SNX2: variants seen among roughly 807,000 people sequenced by gnomAD.
SNX2 encodes the protein sorting nexin-2.
A neutral mutation model predicts 69.9 loss-of-function variants in SNX2; 25 were observed. The ratio of observed to expected loss-of-function variants is 0.36; its 90% confidence interval spans 0.26 to 0.50. The LOEUF is 0.50. Among genes scored for constraint, SNX2 ranks in the 20% least tolerant of loss-of-function variants. SNX2 has a pLI of 0.97. For missense variants in SNX2, 551 were observed against 613.3 expected, an observed-to-expected ratio of 0.90 and a Z score of 1.07; for synonymous variants, 229 against 200.4, an observed-to-expected ratio of 1.14 and a Z score of -1.20.
At chr5:122,778,260 T>C (rs1291064175) in intron 1 of SNX2, among the ~76,000 whole-genome samples, 1 of 152,200 alleles carries the variant, frequency 6.6e-6, no homozygotes, top group African/African-American at 2.4e-5. Flanking sequence ...TCTTGTCTAT[T>C]GTGAATAGTG....
chr5:122,793,584 T>G (rs1186947785), intron 1 of SNX2, among the ~76,000 whole-genome samples: 1 of 152,204 alleles, frequency 6.6e-6, no homozygotes, highest in African/African-American at 2.4e-5. Context: ...TACAGTTTTT[T>G]TGTGTTATAC....
intron 8 of SNX2, among the ~76,000 whole-genome samples, 172 bp from the exon 9 acceptor site, chr5:122,816,743 T>G (rs1048714856): frequency 6.7e-6 from 1 of 149,502 alleles, no homozygotes; most frequent in African/African-American, 2.5e-5. Context: ...AAGTAGTATA[T>G]TTGAGAAATT....
rs1455022903 is a variant in SNX2, at chr5:122,832,069, A to T, written c.*2421A>T. On this transcript the variant is annotated 3_prime_UTR_variant, in exon 15 of 15. Transcript: ENST00000379516. ...CCCAAATAAGTAAAACAAGAACATT[A>T]ATAGTGCTAATAATATAATCTTTTC... 6.6e-6 allele frequency among the ~76,000 whole-genome samples: 1 copy of T among 152,220 alleles called. No individual in the cohort carries two copies. The highest frequency in any genetic ancestry group is 2.4e-5 in the African/African-American group (1 of 41,458).
intron 1 of SNX2, among the ~76,000 whole-genome samples, chr5:122,782,691 C>T (rs1343153872): frequency 6.6e-6 from 1 of 151,886 alleles, no homozygotes; most frequent in Non-Finnish European, 1.5e-5. Context: ...TGCCCACCAC[C>T]ATGCCCAGCT....
At position 122,826,050 on chromosome 5, in the gene SNX2, G is replaced by A. The variant is rs200308921; in HGVS notation, c.1213G>A (p.Gly405Ser). The A allele has an allele frequency of 9.3e-6, 15 of 1,612,164 alleles. No individual in the cohort carries two copies. Among genetic ancestry groups the A allele is most frequent in the Admixed American group, 6.7e-5 (4 of 59,962 alleles). The change falls in exon 12 of 15, where the codon GGT becomes AGT. Residue 405 changes from glycine (G) to serine (S), a missense_variant and splice_region_variant. This residue lies in a region of SNX2 where 360 missense variants were observed against 450.4 expected (regional missense o/e 0.80). Coordinates refer to ENST00000379516, the MANE Select transcript of SNX2 (RefSeq NM_003100.4). ...ATAGCATTATGTCATTCACTTATAG[G>A]GTGTGTTTGACCATCGAATGAAGTG... ...DYIRLIAAVKGVFDHRMKCWQ... is the reference protein window; with the variant it reads ...DYIRLIAAVKSVFDHRMKCWQ...
intron 3 of SNX2, among the ~76,000 whole-genome samples, chr5:122,801,216 A>G (rs892868076): frequency 2.0e-5 from 3 of 152,224 alleles, no homozygotes; most frequent in Non-Finnish European, 4.4e-5. Flanking sequence ...TAATTTTTTA[A>G]TAATCTGAAT....
rs187800689 is a variant in SNX2 at position 122,806,047 on chromosome 5, T to C, written c.644-2230T>C. Among the ~76,000 whole-genome samples the C allele has an allele frequency of 9.1e-3, 1,388 of 151,832 alleles. 5 individuals carry two copies. The highest frequency in any genetic ancestry group is 0.015 in the Non-Finnish European group (1,013 of 67,932). On this transcript the variant is annotated intron_variant, in intron 6 of 14. Coordinates refer to ENST00000379516, the MANE Select transcript of SNX2 (RefSeq NM_003100.4). Reference sequence around the variant, plus strand: ...CGCCCGTCTCAGCCTCCCAAAATGCTGGGATTACAGGCGTGAGCCACCGCG... The same window carrying C: ...CGCCCGTCTCAGCCTCCCAAAATGCCGGGATTACAGGCGTGAGCCACCGCG...
chr5:122,803,476 C>A lies in SNX2; in HGVS notation c.506C>A (p.Ser169Tyr). The A allele has an allele frequency of 6.2e-7, 1 of 1,607,124 alleles. No homozygotes were observed. Among genetic ancestry groups the A allele is most frequent in the Non-Finnish European group, 8.5e-7 (1 of 1,178,122 alleles). ...YMAYRVTTKTSLSMFSKSEFS... is the reference protein window; with the variant it reads ...YMAYRVTTKTYLSMFSKSEFS... ...ACACCTCTTCTTCACTTGTAGACAT[C>A]TCTTTCCATGTTCAGTAAGAGTGAA... is the stretch of plus-strand genomic sequence containing the variant. The change falls in exon 6 of 15, where the codon TCT becomes TAT. Residue 169 changes from serine (S) to tyrosine (Y), a missense_variant. Physicochemically the swap from Ser to Tyr is moderately radical, Grantham distance 144. This residue lies in a region of SNX2 where 360 missense variants were observed against 450.4 expected (regional missense o/e 0.80). Transcript: ENST00000379516.
upstream of SNX2, chr5:122,775,019 T>G: frequency 1.5e-6 from 2 of 1,298,864 alleles, no homozygotes; most frequent in African/African-American, 1.6e-5. Context: ...GCGGGGAGGC[T>G]GGCGGGTCGG....
At chr5:122,807,423 G>A (rs894441697) in intron 6 of SNX2, among the ~76,000 whole-genome samples, 1 of 152,030 alleles carries the variant, frequency 6.6e-6, no homozygotes, top group Non-Finnish European at 1.5e-5. Flanking sequence ...CCCAGCCCTA[G>A]GCAGTCACTA....
chr5:122,815,410 A>C (rs1022813673), intron 7 of SNX2, among the ~76,000 whole-genome samples: 1 of 152,206 alleles, frequency 6.6e-6, no homozygotes, highest in Non-Finnish European at 1.5e-5. Flanking sequence ...GATCATTTAA[A>C]TATGCTGACA....
Position 122,813,789 on chromosome 5 carries a change from T to C in SNX2, c.723-2107T>C, listed in dbSNP as rs924595696. Among the ~76,000 whole-genome samples the C allele has an allele frequency of 3.5e-4, 48 of 136,202 alleles. 2 individuals are homozygous for C. Among genetic ancestry groups the C allele is most frequent in the Middle Eastern group, 4.0e-3 (1 of 250 alleles). 89.4% of individuals were successfully genotyped at this position (136,202 alleles called of 152,430 possible). A position where few individuals can be genotyped will look rare whatever the true frequency, so the allele number is the denominator to read the frequency against. On this transcript the variant is annotated intron_variant, in intron 7 of 14. Transcript: ENST00000379516. ...TTCCTTTTTTTTTTTTTTTTTTTTT[T>C]CTGAGACGGAGTCTCGCTCTGTCAC...
intron 7 of SNX2, among the ~76,000 whole-genome samples, chr5:122,812,965 A>C (rs181703819): frequency 2.4e-4 from 37 of 152,360 alleles, no homozygotes; most frequent in Non-Finnish European, 3.8e-4. Context: ...TAAGTAAATA[A>C]GAATTTGAAA....
chr5:122,801,652 C>CGTGTGTGTGTGTGTGT lies in SNX2; in HGVS notation c.391-194_391-179dup, dbSNP rs61189602. Among the ~76,000 whole-genome samples the CGTGTGTGTGTGTGTGT allele has an allele frequency of 9.9e-3, 1,314 of 132,080 alleles. 26 individuals are homozygous for CGTGTGTGTGTGTGTGT. Among genetic ancestry groups the CGTGTGTGTGTGTGTGT allele is most frequent in the African/African-American group, 0.035 (1,171 of 33,612 alleles). 86.6% of individuals were successfully genotyped at this position (132,080 alleles called of 152,430 possible). ...TGTTACTTCTCCAAATGGTCTTTTT[C>CGTGTGTGTGTGTGTGT]GTGTGTGTGTGTGTGTGTGTGTGTG... On this transcript the variant is annotated intron_variant, in intron 3 of 14. Coordinates refer to ENST00000379516, the MANE Select transcript of SNX2 (RefSeq NM_003100.4).
chr5:122,806,142 G>GCGCGCGCACACGCACACA, intron 6 of SNX2, among the ~76,000 whole-genome samples: 1 of 130,584 alleles, frequency 7.7e-6, no homozygotes, highest in Non-Finnish European at 1.6e-5. Flanking sequence ...ACACGCGCGC[G>GCGCGCGCACACGCACACA]CACACACACA....
chr5:122,775,402 G>C, intron 1 of SNX2, 191 bp downstream of exon 1: 1 of 1,282,796 alleles, frequency 7.8e-7, no homozygotes, highest in East Asian at 3.2e-5. Context: ...CTCCTCAGGA[G>C]AGCAGCCTGC....
At chr5:122,809,022 G>C (rs1446049763) in intron 7 of SNX2, among the ~76,000 whole-genome samples, 1 of 151,854 alleles carries the variant, frequency 6.6e-6, no homozygotes, top group Non-Finnish European at 1.5e-5. Context: ...CATATCTGTG[G>C]GTGCCTTATT....
intron 6 of SNX2, among the ~76,000 whole-genome samples, chr5:122,804,845 AAAGT>A (rs1753601107): frequency 6.6e-6 from 1 of 151,930 alleles, no homozygotes; most frequent in South Asian, 2.1e-4. Flanking sequence ...TTTTTCCTTT[AAAGT>A]AATTATCTTC....
intron 1 of SNX2, among the ~76,000 whole-genome samples, chr5:122,778,746 G>C (rs1752907567): frequency 6.6e-6 from 1 of 152,048 alleles, no homozygotes; most frequent in African/African-American, 2.4e-5. Context: ...GCATTTCCTT[G>C]ATGATTAGTG....
Sources: gnomAD v4.1 joint callset for allele counts (sites outside exome capture counted in the v4.1 genomes callset) on GRCh38, gnomAD v4.1.1 for gene constraint, gnomAD v4.1.1 regional missense constraint, MANE v1.5 for transcripts, NCBI Gene and HGNC (gene_info 2026-07-23, HGNC 2026-07-21) for gene names.